COL27A1: variants seen among roughly 807,000 people sequenced by gnomAD.
The protein encoded by COL27A1 is collagen alpha-1(XXVII) chain.
In COL27A1, 106 loss-of-function variants were observed where a neutral mutation model predicts 251.3. The observed-to-expected ratio is 0.42, with a 90% CI of 0.36 to 0.50. The LOEUF (loss-of-function observed/expected upper bound fraction) is 0.50. COL27A1 is among the 20% of genes least tolerant of loss of function. The pLI, the probability that COL27A1 is intolerant of heterozygous loss-of-function variation, is 0.00. For missense variants in COL27A1, 2,325 were observed against 2,522.8 expected (o/e 0.92, Z 1.68); for synonymous variants, 1,000 against 986.3 (o/e 1.01, Z -0.26).
intron 56 of COL27A1, among the ~76,000 whole-genome samples, chr9:114,303,486 G>T (rs1390541897): frequency 1.3e-5 from 2 of 152,054 alleles, no homozygotes; most frequent in African/African-American, 4.8e-5. Flanking sequence ...CCATACACCC[G>T]CCTCGGCCTC....
chr9:114,179,132 C>T (rs1380870026), intron 4 of COL27A1, among the ~76,000 whole-genome samples: 3 of 152,210 alleles, frequency 2.0e-5, no homozygotes, highest in Admixed American at 6.5e-5. Context: ...GCCTTTCCCA[C>T]GCTGGGTGCC....
intron 1 of COL27A1, among the ~76,000 whole-genome samples, chr9:114,160,741 A>G (rs996625947): frequency 6.6e-6 from 1 of 151,970 alleles, no homozygotes; most frequent in African/African-American, 2.4e-5. Context: ...GACTTCGTCT[A>G]GACAGGGAAA....
At chr9:114,292,355 A>T (rs1374203421) in intron 49 of COL27A1, 145 bp downstream of exon 49, 8 of 688,320 alleles carry the variant, frequency 1.2e-5, no homozygotes. Context: ...GTGACAAGGT[A>T]TAAAATCTGG....
chr9:114,286,958 C>A (rs562079039), intron 41 of COL27A1, among the ~76,000 whole-genome samples: 1 of 152,260 alleles, frequency 6.6e-6, no homozygotes, highest in Non-Finnish European at 1.5e-5. Context: ...GTGCCTGGCA[C>A]ATGGAACACG....
rs1385581652 is a variant in COL27A1 at position 114,155,913 on chromosome 9, T to G, written c.-38T>G. On this transcript the variant is annotated 5_prime_UTR_variant, in exon 1 of 61. Coordinates refer to ENST00000356083, the MANE Select transcript of COL27A1 (RefSeq NM_032888.4). This position sits in a 1 kb window ranked among gnomAD's most constrained non-coding sequence, Gnocchi z 5.5. ...CGGCCCCATGGGGCGCGCCCACACTTGCCCCCCGGGCTCGGGAGCATGAAG... is the reference window on the plus strand; with the variant it reads ...CGGCCCCATGGGGCGCGCCCACACTGGCCCCCCGGGCTCGGGAGCATGAAG... The G allele has an allele frequency of 1.5e-5, 18 of 1,205,902 alleles. No homozygotes were observed. Among genetic ancestry groups the G allele is most frequent in the Non-Finnish European group, 1.9e-5 (18 of 968,734 alleles). The allele number at this position is 1,205,902 out of a possible 1,614,324, so 74.7% of individuals were successfully genotyped here.
At chr9:114,309,203 C>CGGTGTGGGG (rs1462739651) in intron 59 of COL27A1, 57 bp from the exon 60 acceptor site, 7 of 1,431,412 alleles carry the variant, frequency 4.9e-6, no homozygotes, top group Non-Finnish European at 6.9e-6. Context: ...AGGGAACCCT[C>CGGTGTGGGG]GGTGTGGGGG....
At position 114,156,012 on chromosome 9, in the gene COL27A1, G is replaced by C; in HGVS notation, c.62G>C (p.Gly21Ala). ...GCGGCGGCGGCGGCGGCGCGCGGGG[G>C]GTGAGTACGAACTCGGGGACGCCCC... is the stretch of plus-strand genomic sequence containing the variant. ...GTAAAAAARG[G>A]GFLFSWILVS... The change falls in exon 1 of 61, where the codon GGG becomes GCG. Residue 21 changes from glycine (G) to alanine (A), a missense_variant and splice_region_variant. Coordinates refer to ENST00000356083, the MANE Select transcript of COL27A1 (RefSeq NM_032888.4). 1 of 1,298,420 alleles carries C rather than the reference G, an allele frequency of 7.7e-7. No homozygotes were observed. Among genetic ancestry groups the C allele is most frequent in the Non-Finnish European group, 9.8e-7 (1 of 1,019,976 alleles). 80.4% of individuals were successfully genotyped at this position (1,298,420 alleles called of 1,614,324 possible).
At chr9:114,190,664 C>A (rs1323824742) in intron 5 of COL27A1, among the ~76,000 whole-genome samples, 1 of 152,240 alleles carries the variant, frequency 6.6e-6, no homozygotes, top group East Asian at 1.9e-4. Context: ...CCAACCCTAC[C>A]TGCAGGAAAG....
chr9:114,277,528 A>G (rs1564561100), intron 37 of COL27A1, among the ~76,000 whole-genome samples: 1 of 152,194 alleles, frequency 6.6e-6, no homozygotes, highest in African/African-American at 2.4e-5. Context: ...GCAACAAACT[A>G]TGGTTGTGGG....
At chr9:114,219,753 C>T (rs1320556556) in intron 12 of COL27A1, 38 bp from the exon 13 acceptor site, 1 of 1,489,660 alleles carries the variant, frequency 6.7e-7, no homozygotes, top group South Asian at 1.1e-5. Flanking sequence ...GGTGACAACA[C>T]TAACCTACAG....
chr9:114,218,803 G>T (rs1185306606), intron 12 of COL27A1, among the ~76,000 whole-genome samples: 3 of 152,124 alleles, frequency 2.0e-5, no homozygotes, highest in African/African-American at 7.2e-5. Context: ...TTTGGGTTTT[G>T]TTTGTAGGTT....
chr9:114,290,154 G>A lies in COL27A1; in HGVS notation c.4260+43G>A, dbSNP rs760653396. On this transcript the variant is annotated intron_variant, in intron 46 of 60. Coordinates refer to ENST00000356083, the MANE Select transcript of COL27A1 (RefSeq NM_032888.4). The surrounding 1 kb of genome is among the most constrained non-coding windows in gnomAD (Gnocchi z 4.6). ...CTGTTTCCAGCCAACCTCCCTGCCCGCCCCCCACACCCGCCCTCCTCCCAC... is the reference window on the plus strand; with the variant it reads ...CTGTTTCCAGCCAACCTCCCTGCCCACCCCCCACACCCGCCCTCCTCCCAC... The A allele has an allele frequency of 1.7e-5, 16 of 927,576 alleles. No individual in the cohort carries two copies. The highest frequency in any genetic ancestry group is 2.6e-5 in the South Asian group (2 of 78,128). 57.5% of individuals were successfully genotyped at this position (927,576 alleles called of 1,614,324 possible). A position where few individuals can be genotyped will look rare whatever the true frequency, so the allele number is the denominator to read the frequency against.
intron 48 of COL27A1, 87 bp downstream of exon 48, chr9:114,291,004 T>A: frequency 4.3e-6 from 4 of 921,326 alleles, no homozygotes; most frequent in Non-Finnish European, 6.6e-6. Flanking sequence ...TGGGCACCCA[T>A]GTCCCAGGGC....
chr9:114,197,557 T>G (rs1006485226), intron 7 of COL27A1, among the ~76,000 whole-genome samples: 1 of 152,150 alleles, frequency 6.6e-6, no homozygotes, highest in African/African-American at 2.4e-5. Context: ...TCGGGTGGTC[T>G]TGTTCTGCAT....
Position 114,245,889 on chromosome 9 carries a change from G to A in COL27A1, c.2958G>A (p.Arg986=), listed in dbSNP as rs1213916657. The A allele has an allele frequency of 1.1e-5, 18 of 1,612,998 alleles. No homozygotes were observed. Among genetic ancestry groups the A allele is most frequent in the Non-Finnish European group, 2.5e-6 (3 of 1,179,552 alleles). ...AGGGGGAACCAGGGGATCCTGGTCG[G>A]CCGGGGCCTGTGGGAGAGCAGGTTA... ...GVKGEPGDPG[R]PGPVGEQGFM... The change falls in exon 24 of 61, where the codon CGG becomes CGA. Residue 986 remains arginine (R), a synonymous_variant. Coordinates refer to ENST00000356083, the MANE Select transcript of COL27A1 (RefSeq NM_032888.4).
At chr9:114,250,021 A>T (rs1411729943) in intron 24 of COL27A1, among the ~76,000 whole-genome samples, 1 of 152,064 alleles carries the variant, frequency 6.6e-6, no homozygotes, top group Non-Finnish European at 1.5e-5. Context: ...ACCTAGAAGA[A>T]CCCCCTGGAA....
At position 114,222,242 on chromosome 9, in the gene COL27A1, G is replaced by A. The variant is rs1463881916; in HGVS notation, c.2441G>A (p.Gly814Asp). 5.0e-6 allele frequency: 8 copies of A among 1,613,610 alleles called. No homozygotes were observed. Among genetic ancestry groups the A allele is most frequent in the Non-Finnish European group, 6.8e-6 (8 of 1,179,674 alleles). ...CTGCAGGGAGAACTGGGCCTGCCAG[G>A]CCCCCCTGGAGTCCCCGGCCTCATT... The part of the protein sequence containing the change: ...DGNPGELGLP[G>D]PPGVPGLIGD... Residue 814 changes from glycine to aspartate, a missense_variant, in exon 14 of 61, where the codon GGC becomes GAC. Gly to Asp is a moderately conservative substitution (Grantham distance 94, BLOSUM62 -1). Transcript: ENST00000356083.
intron 29 of COL27A1, 93 bp downstream of exon 29, chr9:114,264,501 T>TTGTTGTCCCTA: frequency 9.7e-7 from 1 of 1,033,316 alleles, no homozygotes; most frequent in Non-Finnish European, 1.4e-6. Context: ...CAATGCCCCT[T>TTGTTGTCCCTA]AGGGACAACA....
chr9:114,155,804 G>T lies in COL27A1; in HGVS notation c.-147G>T, dbSNP rs1223692229. On this transcript the variant is annotated 5_prime_UTR_variant, in exon 1 of 61. Transcript: ENST00000356083. This position sits in a 1 kb window ranked among gnomAD's most constrained non-coding sequence, Gnocchi z 5.5. ...CCCCAGCCGCGCTGCCTGCCTGCTC[G>T]GGCGCCCCTGGGCGCGGGGCTGCGC... The T allele has an allele frequency of 1.8e-6, 1 of 548,532 alleles. No individual in the cohort carries two copies. Among genetic ancestry groups the T allele is most frequent in the East Asian group, 1.5e-4 (1 of 6,854 alleles). 34.0% of individuals were successfully genotyped at this position (548,532 alleles called of 1,614,324 possible).
Sources: allele counts gnomAD v4.1 joint callset (sites outside exome capture counted in the v4.1 genomes callset), GRCh38; gene constraint gnomAD v4.1.1; non-coding constraint Gnocchi (gnomAD v3.1); transcripts MANE v1.5; gene names NCBI Gene and HGNC (gene_info 2026-07-23, HGNC 2026-07-21).